Variants in CENPQ observed in about 807,000 individuals in gnomAD.
CENPQ encodes centromere protein Q.
Under a neutral mutation model 36.6 loss-of-function variants are expected in CENPQ, and 27 were observed. The ratio of observed to expected loss-of-function variants is 0.74; its 90% CI spans 0.54 to 1.02. The LOEUF (loss-of-function observed/expected upper bound fraction) is 1.02. Ranked by LOEUF, CENPQ falls within the 50% of genes least tolerant of loss-of-function variation. The pLI, the probability that CENPQ is intolerant of heterozygous loss-of-function variation, is 0.00. For synonymous variants in CENPQ, 101 were observed against 101.7 expected (o/e 0.99, Z 0.04); for missense variants, 306 against 301.8 (o/e 1.01, Z -0.10).
chr6:49,465,660 G>A (rs7739169), intron 1 of CENPQ, among the ~76,000 whole-genome samples: 32,451 of 152,122 alleles, frequency 0.21, 3,686 homozygotes, highest in South Asian at 0.28. Flanking sequence ...TTAAACCTCA[G>A]GAACCAAGCT....
intron 6 of CENPQ, 22 bp from the exon 7 acceptor site, chr6:49,488,330 T>G: frequency 6.4e-7 from 1 of 1,557,896 alleles, no homozygotes; most frequent in Non-Finnish European, 8.7e-7. Flanking sequence ...GTTAAAATGT[T>G]TTTTTTCTCT....
intron 8 of CENPQ, 110 bp downstream of exon 8, chr6:49,488,794 T>A: frequency 1.2e-6 from 1 of 849,422 alleles, no homozygotes; most frequent in Non-Finnish European, 2.0e-6. Context: ...GTCACACAAA[T>A]GTTTTGGTTT....
intron 1 of CENPQ, among the ~76,000 whole-genome samples, chr6:49,467,135 T>C (rs930617029): frequency 3.9e-5 from 6 of 152,200 alleles, no homozygotes; most frequent in Admixed American, 1.3e-4. Context: ...AGTGCTGAGG[T>C]TGAGAAACTT....
chr6:49,487,488 A>T (rs982211436), intron 6 of CENPQ, among the ~76,000 whole-genome samples: 9 of 139,914 alleles, frequency 6.4e-5, no homozygotes, highest in Admixed American at 2.9e-4. Flanking sequence ...AAGCCAAAAT[A>T]TATTTCTTGA....
At chr6:49,465,266 G>A (rs566327320) in intron 1 of CENPQ, among the ~76,000 whole-genome samples, 3 of 152,262 alleles carry the variant, frequency 2.0e-5, no homozygotes, top group South Asian at 2.1e-4. Context: ...TCAGTAAACC[G>A]TGCTGTAAAC....
intron 5 of CENPQ, among the ~76,000 whole-genome samples, chr6:49,473,618 A>C (rs574683760): frequency 9.8e-5 from 15 of 152,300 alleles, no homozygotes; most frequent in Admixed American, 5.9e-4. Flanking sequence ...TCAACTAACG[A>C]GCAAAATAAC....
At chr6:49,483,546 G>A (rs559841661) in intron 6 of CENPQ, among the ~76,000 whole-genome samples, 1 of 152,320 alleles carries the variant, frequency 6.6e-6, no homozygotes, top group South Asian at 2.1e-4. Context: ...CGGGCTGCAG[G>A]TCCCAAGCCC....
chr6:49,473,453 T>C (rs1768193230), intron 5 of CENPQ, among the ~76,000 whole-genome samples: 1 of 152,152 alleles, frequency 6.6e-6, no homozygotes, highest in Non-Finnish European at 1.5e-5. Context: ...TAAAATCCTT[T>C]ACAGACAAGC....
intron 6 of CENPQ, among the ~76,000 whole-genome samples, chr6:49,485,898 T>C (rs1174849400): frequency 6.6e-6 from 1 of 152,100 alleles, no homozygotes; most frequent in Admixed American, 6.6e-5. Context: ...TAATGAGAAA[T>C]TTTAATCCTT....
Position 49,475,052 on chromosome 6 carries a change from A to G in CENPQ, c.347+2194A>G, listed in dbSNP as rs564374256. On this transcript the variant is annotated intron_variant, in intron 5 of 8. Transcript: ENST00000335783. ...CCAAAAAAAGTCCAGGACCAGACAGATTCACAGCCGAATTCTACCAGAGAT... is the reference window on the plus strand; with the variant it reads ...CCAAAAAAAGTCCAGGACCAGACAGGTTCACAGCCGAATTCTACCAGAGAT... 3.2e-3 allele frequency among the ~76,000 whole-genome samples: 491 copies of G among 152,312 alleles called. 2 individuals carry two copies. The highest frequency in any genetic ancestry group is 5.2e-3 in the Non-Finnish European group (357 of 68,028).
At chr6:49,486,119 T>G (rs190864864) in intron 6 of CENPQ, among the ~76,000 whole-genome samples, 117 of 152,076 alleles carry the variant, frequency 7.7e-4, no homozygotes, top group African/African-American at 2.7e-3. Context: ...TGAAACACAA[T>G]AGAAGGCATA....
intron 1 of CENPQ, among the ~76,000 whole-genome samples, chr6:49,468,562 A>C (rs764266974): frequency 6.6e-6 from 1 of 152,018 alleles, no homozygotes; most frequent in Non-Finnish European, 1.5e-5. Context: ...GCACCACTGC[A>C]CTCCAGCCCA....
intron 1 of CENPQ, among the ~76,000 whole-genome samples, chr6:49,466,157 G>C (rs1219968225): frequency 6.6e-6 from 1 of 152,176 alleles, no homozygotes; most frequent in Non-Finnish European, 1.5e-5. Flanking sequence ...AGTTGGTGGA[G>C]CAGTCAAAAC....
chr6:49,486,498 T>A (rs1264723531), intron 6 of CENPQ, among the ~76,000 whole-genome samples: 1 of 152,196 alleles, frequency 6.6e-6, no homozygotes. Context: ...CATGGGAAAT[T>A]CCACAGAGTA....
intron 6 of CENPQ, among the ~76,000 whole-genome samples, chr6:49,483,754 C>G (rs528243491): frequency 6.6e-6 from 1 of 152,248 alleles, no homozygotes; most frequent in African/African-American, 2.4e-5. Flanking sequence ...CTACAGCTGA[C>G]CTGCAAGCAC....
intron 5 of CENPQ, among the ~76,000 whole-genome samples, chr6:49,474,351 G>A (rs1395345348): frequency 1.3e-5 from 2 of 152,088 alleles, no homozygotes; most frequent in Non-Finnish European, 2.9e-5. Context: ...CTAGAACTCA[G>A]GATTAAGAAA....
At position 49,482,120 on chromosome 6, in the gene CENPQ, T is replaced by C. The variant is rs186233821; in HGVS notation, c.477+1040T>C. Among the ~76,000 whole-genome samples the C allele has an allele frequency of 1.5e-3, 233 of 152,196 alleles. 1 individual carries two copies. Among genetic ancestry groups the C allele is most frequent in the Admixed American group, 3.1e-3 (47 of 15,308 alleles). ...CAGGGCCAGCCAGCTGCTCCGAGTGTGGGGCCTGCCAAGCCCACACCCACC... is the reference window on the plus strand; with the variant it reads ...CAGGGCCAGCCAGCTGCTCCGAGTGCGGGGCCTGCCAAGCCCACACCCACC... On this transcript the variant is annotated intron_variant, in intron 6 of 8. Transcript: ENST00000335783.
chr6:49,488,243 T>G (rs987313313), intron 6 of CENPQ, 109 bp from the exon 7 acceptor site: 78 of 815,422 alleles, frequency 9.6e-5, no homozygotes, highest in Non-Finnish European at 1.3e-4. Flanking sequence ...TAAAAATGTT[T>G]TAAATATATA....
intron 8 of CENPQ, among the ~76,000 whole-genome samples, chr6:49,490,358 C>T (rs563561296): frequency 4.6e-4 from 70 of 152,346 alleles, no homozygotes; most frequent in South Asian, 1.4e-3. Flanking sequence ...TTTTCTTCTG[C>T]AACTTCCTCA....
Sources: allele counts gnomAD v4.1 joint callset (sites outside exome capture counted in the v4.1 genomes callset), GRCh38; gene constraint gnomAD v4.1.1; transcripts MANE v1.5; gene names NCBI Gene and HGNC (gene_info 2026-07-23, HGNC 2026-07-21).